The following AMZ1 variants were observed in gnomAD, a reference collection of about 807,000 sequenced individuals.
AMZ1 encodes the protein archaelysin family metallopeptidase 1, also known as archaemetzincin-1.
A neutral mutation model predicts 29.9 loss-of-function variants in AMZ1; 39 were observed. The observed-to-expected ratio is 1.30, with a 90% confidence interval of 1.01 to 1.70. AMZ1 has a LOEUF of 1.70. Ranked by LOEUF, AMZ1 falls within the 40% of genes most tolerant of loss-of-function variation. The probability of loss-of-function intolerance (pLI) is 0.00; values close to 1 mark genes in which losing one functional copy is unlikely to be tolerated. For synonymous variants in AMZ1, 458 were observed against 304.0 expected (o/e 1.51, Z -5.27); for missense variants, 1,041 against 680.6 (o/e 1.53, Z -5.89).
rs1788928024 is a variant in AMZ1 at position 2,713,423 on chromosome 7, T to TGCAGAGGCAGAAGGAAGC, written c.*546_*563dup. The TGCAGAGGCAGAAGGAAGC allele has an allele frequency of 6.6e-6, 1 of 152,590 alleles. No homozygotes were observed. The highest frequency in any genetic ancestry group is 2.4e-5 in the African/African-American group (1 of 41,462). The allele number at this position is 152,590 out of a possible 1,614,324, so 9.5% of individuals were successfully genotyped here. ...GAGGTTGGGACAGAGCCCCCTCCCC[T>TGCAGAGGCAGAAGGAAGC]GCAGAGGCAGAAGGAAGCAGCGTGC... On this transcript the variant is annotated 3_prime_UTR_variant, in exon 7 of 7. Coordinates refer to ENST00000683327, the MANE Select transcript of AMZ1 (RefSeq NM_001384743.1).
At chr7:2,721,698 A>G (rs1260359277), downstream of AMZ1, among the ~76,000 whole-genome samples, 1 of 149,848 alleles carries the variant, frequency 6.7e-6, no homozygotes, top group East Asian at 2.0e-4. Context: ...CCTGGGCAAC[A>G]GAGCGAGACT....
chr7:2,709,276 G>T, intron 5 of AMZ1, 32 bp downstream of exon 5: 1 of 1,480,018 alleles, frequency 6.8e-7, no homozygotes, highest in Non-Finnish European at 8.9e-7. Context: ...GGTAAGAGGG[G>T]ACAGGAGGGT....
upstream of AMZ1, chr7:2,762,918 G>C: frequency 1.4e-6 from 2 of 1,411,788 alleles, no homozygotes; most frequent in Non-Finnish European, 1.9e-6. Flanking sequence ...AGAGGCCACA[G>C]GCGGGGACGC....
At position 2,731,607 on chromosome 7, in the gene AMZ1, C is replaced by T. The variant is rs1328252664; in HGVS notation, n.550+21791C>T. The T allele has an allele frequency of 2.5e-6, 4 of 1,613,890 alleles. No homozygotes were observed. The highest frequency in any genetic ancestry group is 2.5e-6 in the Non-Finnish European group (3 of 1,179,974). On this transcript the variant is annotated intron_variant and non_coding_transcript_variant, in intron 4 of 4. Transcript: ENST00000489665. This position sits in a 1 kb window ranked among gnomAD's most constrained non-coding sequence, Gnocchi z 6.0. The stretch of plus-strand genomic sequence containing the variant: ...GGATGGACGTGATCCCGTCGAAGCA[C>T]TGGAACCACTTCTGGCGCTGGGACC...
chr7:2,679,956 G>A (rs1055020208), intron 1 of AMZ1, among the ~76,000 whole-genome samples: 5 of 152,240 alleles, frequency 3.3e-5, no homozygotes, highest in Non-Finnish European at 7.3e-5. Context: ...GGACCCCGGA[G>A]GTAGGAACTA....
In AMZ1 at chr7:2,712,977, G is replaced by A; in HGVS notation, c.*99G>A. The A allele has an allele frequency of 7.7e-7, 1 of 1,302,836 alleles. No individual in the cohort carries two copies. Among genetic ancestry groups the A allele is most frequent in the South Asian group, 2.2e-5 (1 of 45,348 alleles). The allele number at this position is 1,302,836 out of a possible 1,614,324, so 80.7% of individuals were successfully genotyped here. ...TGACCTGCCAGGGATAAAGAGGAAGGGTCTGCCTGGGTGGTGGCTCAGGCC... is the reference window on the plus strand; with the variant it reads ...TGACCTGCCAGGGATAAAGAGGAAGAGTCTGCCTGGGTGGTGGCTCAGGCC... On this transcript the variant is annotated 3_prime_UTR_variant, in exon 7 of 7. Transcript: ENST00000683327.
chr7:2,693,170 C>T (rs1428562906), intron 1 of AMZ1, among the ~76,000 whole-genome samples: 2 of 152,210 alleles, frequency 1.3e-5, no homozygotes, highest in Non-Finnish European at 2.9e-5. Context: ...GGCGCGATTT[C>T]GGCTCACCGC....
At chr7:2,694,411 T>G (rs1311472517) in intron 1 of AMZ1, among the ~76,000 whole-genome samples, 2 of 152,186 alleles carry the variant, frequency 1.3e-5, no homozygotes, top group Non-Finnish European at 2.9e-5. Flanking sequence ...GGCAGCACAC[T>G]GTAGGACTTC....
In AMZ1 at chr7:2,694,655, CATAT is replaced by C. The variant is rs988293800; in HGVS notation, c.-218-5573_-218-5570del. 1.8e-4 allele frequency among the ~76,000 whole-genome samples: 26 copies of C among 148,170 alleles called. 1 individual carries two copies. The highest frequency in any genetic ancestry group is 1.5e-5 in the Non-Finnish European group (1 of 66,994). On this transcript the variant is annotated intron_variant, in intron 1 of 6. Transcript: ENST00000683327. The stretch of plus-strand genomic sequence containing the variant: ...TATATTATCGTATATATTAAAATCT[CATAT>C]ATATAATATATATTTTATTTATTTT...
intron 1 of AMZ1, among the ~76,000 whole-genome samples, chr7:2,690,863 G>A (rs767843836): frequency 2.6e-5 from 4 of 152,144 alleles, no homozygotes; most frequent in African/African-American, 7.2e-5. Context: ...TTTCTCAGCC[G>A]GGTGTGGTGG....
intron 6 of AMZ1, among the ~76,000 whole-genome samples, chr7:2,711,788 A>C (rs1170690256): frequency 6.6e-6 from 1 of 152,162 alleles, no homozygotes; most frequent in African/African-American, 2.4e-5. Flanking sequence ...TCACACCTGT[A>C]ATCCCAGCAC....
At position 2,680,370 on chromosome 7, in the gene AMZ1, C is replaced by T. The variant is rs528697727; in HGVS notation, c.-219+699C>T. 4.6e-5 allele frequency among the ~76,000 whole-genome samples: 7 copies of T among 152,264 alleles called. No individual in the cohort carries two copies. In the South Asian group the frequency reaches 1.0e-3, roughly 23 times the overall value. On this transcript the variant is annotated intron_variant, in intron 1 of 6. Transcript: ENST00000312371. ...CCTGCCAGGCTGGGCAGGTGTGCAG[C>T]CCACCCAGCAGGCACTGGAGACCCC...
Position 2,718,498 on chromosome 7 carries a change from C to T in AMZ1, c.*5620C>T, listed in dbSNP as rs945024809. 6.6e-6 allele frequency among the ~76,000 whole-genome samples: 1 copy of T among 152,226 alleles called. No individual in the cohort carries two copies. Among genetic ancestry groups the T allele is most frequent in the South Asian group, 2.1e-4 (1 of 4,832 alleles). Reference sequence around the variant, plus strand: ...GAATGGGGACGTGTTTTGTTCAGCCCTGACTCTTGGACGCTGGTGGCAGCC... The same window carrying T: ...GAATGGGGACGTGTTTTGTTCAGCCTTGACTCTTGGACGCTGGTGGCAGCC... On this transcript the variant is annotated 3_prime_UTR_variant, in exon 7 of 7. Transcript: ENST00000683327.
intron 1 of AMZ1, among the ~76,000 whole-genome samples, chr7:2,699,167 C>G (rs1332584600): frequency 2.0e-5 from 3 of 152,184 alleles, no homozygotes; most frequent in Admixed American, 6.5e-5. Flanking sequence ...CCAGCCCACT[C>G]TCCATCCGCC....
intron 6 of AMZ1, among the ~76,000 whole-genome samples, chr7:2,712,072 T>C (rs926467362): frequency 6.6e-6 from 1 of 151,896 alleles, no homozygotes; most frequent in Non-Finnish European, 1.5e-5. Flanking sequence ...TGTTAAGTGT[T>C]CTAACTTTGG....
intron 3 of AMZ1, among the ~76,000 whole-genome samples, chr7:2,706,725 A>G (rs768726118): frequency 1.3e-5 from 2 of 152,132 alleles, no homozygotes; most frequent in Non-Finnish European, 2.9e-5. Flanking sequence ...ACTGGATTAC[A>G]TCTGCACAGA....
Position 2,735,961 on chromosome 7 carries a change from T to C in AMZ1, n.550+26145T>C, listed in dbSNP as rs374375759. Reference sequence around the variant, plus strand: ...ACGCTGTCACTCACATCCGCACTCTTGCTGTCCCTGAGGTTTGGTGCACTG... The same window carrying C: ...ACGCTGTCACTCACATCCGCACTCTCGCTGTCCCTGAGGTTTGGTGCACTG... On this transcript the variant is annotated intron_variant and non_coding_transcript_variant, in intron 4 of 4. Coordinates refer to the AMZ1 transcript ENST00000489665. 1.3e-3 allele frequency among the ~76,000 whole-genome samples: 195 copies of C among 152,274 alleles called. 6 individuals are homozygous for C. In the South Asian group the frequency reaches 0.04, roughly 31 times the overall value.
Position 2,712,415 on chromosome 7 carries a change from C to T in AMZ1, c.1034C>T (p.Pro345Leu). Residue 345 changes from proline (P) to leucine (L), a missense_variant, in exon 7 of 7, where the codon CCT (proline) becomes CTT (leucine). Physicochemically the swap from Pro to Leu is moderately conservative, Grantham distance 98. Transcript: ENST00000683327. ...GEPSVWEDTPPASADSGMCCE... is the reference protein window; with the variant it reads ...GEPSVWEDTPLASADSGMCCE... ...CCGTCAGTGTGGGAGGACACCCCGC[C>T]TGCCAGCGCCGACTCGGGCATGTGC... 1 of 1,611,812 alleles carries T rather than the reference C, an allele frequency of 6.2e-7. No individual in the cohort carries two copies. Among genetic ancestry groups the T allele is most frequent in the Non-Finnish European group, 8.5e-7 (1 of 1,179,610 alleles).
chr7:2,720,103 G>A (rs747794352), downstream of AMZ1, among the ~76,000 whole-genome samples: 7 of 152,374 alleles, frequency 4.6e-5, no homozygotes, highest in South Asian at 2.1e-4. Context: ...GCAAGGAGCC[G>A]ACGGGAACCT....
Sources: allele counts gnomAD v4.1 joint callset (sites outside exome capture counted in the v4.1 genomes callset), GRCh38; gene constraint gnomAD v4.1.1; non-coding constraint Gnocchi (gnomAD v3.1); transcripts MANE v1.5; gene names NCBI Gene and HGNC (gene_info 2026-07-23, HGNC 2026-07-21).